Variants in EDA observed in about 807,000 individuals in gnomAD.
EDA encodes ectodysplasin-A.
In EDA, 2 loss-of-function variants were observed where a neutral mutation model predicts 23.6. The observed-to-expected ratio is 0.08, with a 90% CI of 0.03 to 0.27. The LOEUF is 0.27. EDA is among the 10% of genes least tolerant of loss of function. The pLI, the probability that EDA is intolerant of heterozygous loss-of-function variation, is 1.00. For missense variants in EDA, 229 were observed against 324.2 expected (o/e 0.71, Z 2.26); for synonymous variants, 131 against 132.0 (o/e 0.99, Z 0.05).
At chrX:69,990,629 G>GT (rs974959477) in intron 2 of EDA, among the ~76,000 whole-genome samples, 1 of 110,077 alleles carries the variant, frequency 9.1e-6, no homozygotes, top group Non-Finnish European at 1.9e-5. Flanking sequence ...GGGGCCACAG[G>GT]TTTTTTTTCT....
chrX:69,896,233 C>T (rs2018013188), intron 1 of EDA, among the ~76,000 whole-genome samples: 1 of 111,394 alleles, frequency 9.0e-6, no homozygotes, highest in Non-Finnish European at 1.9e-5. Flanking sequence ...GGATTTAGGC[C>T]CACTCAGCCT....
chrX:69,750,521 C>A lies in EDA; in HGVS notation c.396+133817C>A, dbSNP rs182584526. ...TCTTTATAGCAGCATGATTTATAAT[C>A]CTTTGGGTGTATGCCCAGTAGTGGG... is the stretch of plus-strand genomic sequence containing the variant. On this transcript the variant is annotated intron_variant, in intron 1 of 7. Transcript: ENST00000374552. Among the ~76,000 whole-genome samples the A allele has an allele frequency of 7.9e-3, 871 of 110,801 alleles. 3 individuals carry two copies. Among genetic ancestry groups the A allele is most frequent in the Non-Finnish European group, 0.013 (690 of 52,938 alleles).
At chrX:69,677,239 T>G (rs1194055947) in intron 1 of EDA, among the ~76,000 whole-genome samples, 1 of 106,677 alleles carries the variant, frequency 9.4e-6, no homozygotes, top group Admixed American at 1.0e-4. Context: ...TGTTGGACAT[T>G]TGGATTGGTT....
At chrX:69,738,858 G>A (rs1168854225) in intron 1 of EDA, among the ~76,000 whole-genome samples, 1 of 110,296 alleles carries the variant, frequency 9.1e-6, no homozygotes. Context: ...AACATACTTT[G>A]TATGATTTAT....
intron 1 of EDA, among the ~76,000 whole-genome samples, chrX:69,746,891 C>A (rs2013638921): frequency 9.0e-6 from 1 of 111,162 alleles, no homozygotes. Flanking sequence ...ATTTAATGCC[C>A]AGTATAGCAA....
intron 1 of EDA, among the ~76,000 whole-genome samples, chrX:69,787,095 C>G (rs1397415198): frequency 1.9e-5 from 2 of 102,899 alleles, no homozygotes. Flanking sequence ...TCTGTTTTAT[C>G]AGAGACTAGG....
intron 1 of EDA, among the ~76,000 whole-genome samples, chrX:69,806,254 A>G (rs1217631494): frequency 1.8e-5 from 2 of 111,833 alleles, no homozygotes; most frequent in African/African-American, 6.5e-5. Context: ...GGGAAAGTCA[A>G]CTAATAACTC....
intron 1 of EDA, among the ~76,000 whole-genome samples, chrX:69,779,787 T>C (rs965319253): frequency 8.9e-6 from 1 of 111,800 alleles, no homozygotes; most frequent in Admixed American, 9.5e-5. Flanking sequence ...GCTACCCTGA[T>C]TGGCCATAGC....
chrX:69,745,269 CT>C (rs1212572173), intron 1 of EDA, among the ~76,000 whole-genome samples: 3 of 111,725 alleles, frequency 2.7e-5, no homozygotes, highest in African/African-American at 9.8e-5. Flanking sequence ...ATGTTTTTGA[CT>C]GATGAAACCT....
chrX:70,012,564 C>T (rs1328751225), intron 2 of EDA, among the ~76,000 whole-genome samples: 2 of 112,535 alleles, frequency 1.8e-5, no homozygotes, highest in Non-Finnish European at 3.8e-5. Context: ...AAATGATGTA[C>T]TTATTAGCAC....
intron 1 of EDA, among the ~76,000 whole-genome samples, chrX:69,739,686 A>G (rs1233630830): frequency 1.8e-5 from 2 of 110,913 alleles, no homozygotes; most frequent in African/African-American, 3.3e-5. Context: ...GGCTTACCAT[A>G]TATGTCTTAA....
At chrX:69,787,500 C>G (rs1310328673) in intron 1 of EDA, among the ~76,000 whole-genome samples, 1 of 100,656 alleles carries the variant, frequency 9.9e-6, no homozygotes, top group East Asian at 2.9e-4. Flanking sequence ...GTGACAAAAT[C>G]TCTCAGCATT....
chrX:69,867,074 G>A (rs2017498049), intron 1 of EDA, among the ~76,000 whole-genome samples: 1 of 112,002 alleles, frequency 8.9e-6, no homozygotes, highest in Non-Finnish European at 1.9e-5. Flanking sequence ...TCACCCCAAA[G>A]AATGGTGCTA....
rs2019016164 is a variant in EDA at position 69,956,903 on chromosome X, G to A, written c.397-124G>A. 3 of 568,191 alleles carry A rather than the reference G, an allele frequency of 5.3e-6. No individual in the cohort carries two copies. The East Asian group carries it at 1.1e-4, about 20-fold the overall frequency. The allele number at this position is 568,191 out of a possible 1,213,427, so 46.8% of individuals were successfully genotyped here. ...TGGTTTGTACAGTGGAGGGGAAGATGGGCTCAGGCTTTAGACACATCAAAC... is the reference window on the plus strand; with the variant it reads ...TGGTTTGTACAGTGGAGGGGAAGATAGGCTCAGGCTTTAGACACATCAAAC... On this transcript the variant is annotated intron_variant, in intron 1 of 7. Transcript: ENST00000374552.
chrX:69,641,907 C>T (rs751964801), intron 1 of EDA, among the ~76,000 whole-genome samples: 27 of 111,763 alleles, frequency 2.4e-4, no homozygotes, highest in Non-Finnish European at 1.5e-4. Flanking sequence ...GAAACTGAGG[C>T]TCACAGTTGA....
intron 1 of EDA, among the ~76,000 whole-genome samples, chrX:69,684,894 C>T (rs1229952922): frequency 1.8e-5 from 2 of 112,160 alleles, no homozygotes; most frequent in Non-Finnish European, 3.8e-5. Flanking sequence ...ATATCTCTGC[C>T]CACCAGAATG....
chrX:69,941,550 G>A (rs1031543846), intron 1 of EDA, among the ~76,000 whole-genome samples: 1 of 111,148 alleles, frequency 9.0e-6, no homozygotes, highest in East Asian at 2.8e-4. Flanking sequence ...CTCTTTTATA[G>A]CTTTTGTCTT....
intron 4 of EDA, among the ~76,000 whole-genome samples, chrX:70,028,963 G>A (rs1453249845): frequency 3.6e-5 from 4 of 112,349 alleles, no homozygotes; most frequent in Admixed American, 1.9e-4. Context: ...GTGTTACCAT[G>A]GCCACAAGAG....
At chrX:69,751,417 G>A (rs1330585232) in intron 1 of EDA, among the ~76,000 whole-genome samples, 1 of 112,429 alleles carries the variant, frequency 8.9e-6, no homozygotes, top group Non-Finnish European at 1.9e-5. Context: ...ATGCTGTTTT[G>A]GTTACGGTGG....
Sources: gnomAD v4.1 joint callset for allele counts (sites outside exome capture counted in the v4.1 genomes callset) on GRCh38, gnomAD v4.1.1 for gene constraint, MANE v1.5 for transcripts, NCBI Gene and HGNC (gene_info 2026-07-23, HGNC 2026-07-21) for gene names.